XKR4: variants seen among roughly 807,000 people sequenced by gnomAD.
The protein encoded by XKR4 is XK related 4.
A neutral mutation model predicts 53.9 loss-of-function variants in XKR4; 12 were observed. The observed-to-expected ratio is 0.22, with a 90% CI of 0.14 to 0.36. The LOEUF (loss-of-function observed/expected upper bound fraction) is 0.36. XKR4 is among the 10% of genes least tolerant of loss of function. XKR4 has a pLI of 1.00. For synonymous variants in XKR4, 354 were observed against 362.4 expected, an observed-to-expected ratio of 0.98 and a Z score of 0.26; for missense variants, 799 against 859.5, an observed-to-expected ratio of 0.93 and a Z score of 0.88.
chr8:55,265,794 C>A (rs1320095585), intron 1 of XKR4, among the ~76,000 whole-genome samples: 1 of 151,582 alleles, frequency 6.6e-6, no homozygotes, highest in African/African-American at 2.4e-5. Context: ...TCCTGGTCAA[C>A]ATGGTGAAAC....
chr8:55,186,564 G>A (rs1359965396), intron 1 of XKR4, among the ~76,000 whole-genome samples: 1 of 152,122 alleles, frequency 6.6e-6, no homozygotes, highest in Non-Finnish European at 1.5e-5. Flanking sequence ...GCTGAGGCAA[G>A]AGAATGGCAT....
chr8:55,407,361 C>T (rs1804699862), intron 2 of XKR4, among the ~76,000 whole-genome samples: 1 of 152,212 alleles, frequency 6.6e-6, no homozygotes, highest in South Asian at 2.1e-4. Flanking sequence ...GAACTCCAGG[C>T]ATTTGATTAT....
rs373790260 is a variant in XKR4, at chr8:55,294,385, G to T, written c.807-63293G>T. Among the ~76,000 whole-genome samples, 131 of 152,200 alleles carry T rather than the reference G, an allele frequency of 8.6e-4. 5 individuals carry two copies. In the South Asian group the frequency reaches 0.026, roughly 30 times the overall value. The stretch of plus-strand genomic sequence containing the variant: ...CTTCATGACATTATCACTTCTCAAG[G>T]TATCCGTGTTCCTACCACCTTTTCA... On this transcript the variant is annotated intron_variant, in intron 1 of 2. Transcript: ENST00000327381.
At chr8:55,268,356 A>G (rs117545231) in intron 1 of XKR4, among the ~76,000 whole-genome samples, 6,028 of 152,250 alleles carry the variant, frequency 0.04, 186 homozygotes, top group Non-Finnish European at 0.064. Context: ...CTTAACAGTA[A>G]ATTGGTATAA....
At chr8:55,428,580 C>T (rs982684672) in intron 2 of XKR4, among the ~76,000 whole-genome samples, 2 of 152,174 alleles carry the variant, frequency 1.3e-5, no homozygotes, top group Non-Finnish European at 1.5e-5. Flanking sequence ...AGAAGAAGTC[C>T]GGACTTTCAT....
chr8:55,464,235 C>G (rs1805716858), intron 2 of XKR4, among the ~76,000 whole-genome samples: 1 of 152,120 alleles, frequency 6.6e-6, no homozygotes, highest in African/African-American at 2.4e-5. Context: ...CAATAAAATA[C>G]TGACAAACCA....
At chr8:55,341,333 A>G (rs1803542952) in intron 1 of XKR4, among the ~76,000 whole-genome samples, 2 of 152,134 alleles carry the variant, frequency 1.3e-5, no homozygotes, top group African/African-American at 4.8e-5. Context: ...TGATGCTCCC[A>G]TTCCCACTTT....
chr8:55,202,393 C>A (rs1037083379), intron 1 of XKR4, among the ~76,000 whole-genome samples: 2 of 152,168 alleles, frequency 1.3e-5, no homozygotes, highest in Non-Finnish European at 2.9e-5. Flanking sequence ...TGGAGTCATG[C>A]CCTGAAAGGA....
At chr8:55,363,991 C>T (rs554415609) in intron 2 of XKR4, among the ~76,000 whole-genome samples, 2 of 152,292 alleles carry the variant, frequency 1.3e-5, no homozygotes, top group South Asian at 4.1e-4. Context: ...TTTAGAAACA[C>T]CCATTTATCT....
intron 1 of XKR4, among the ~76,000 whole-genome samples, chr8:55,186,947 T>C (rs1817387355): frequency 6.6e-6 from 1 of 152,072 alleles, no homozygotes; most frequent in South Asian, 2.1e-4. Context: ...AAGAAGTAAT[T>C]ATGATGGAAG....
chr8:55,294,845 A>C (rs1819079622), intron 1 of XKR4, among the ~76,000 whole-genome samples: 1 of 152,166 alleles, frequency 6.6e-6, no homozygotes, highest in Non-Finnish European at 1.5e-5. Context: ...TCTTAATACC[A>C]TGGGGGAAAG....
chr8:55,481,046 T>C (rs1206192170), intron 2 of XKR4, among the ~76,000 whole-genome samples: 1 of 152,160 alleles, frequency 6.6e-6, no homozygotes, highest in East Asian at 1.9e-4. Context: ...TGGAAAAAAC[T>C]ACTTTCAAGT....
At chr8:55,156,470 G>T (rs2129356320) in intron 1 of XKR4, among the ~76,000 whole-genome samples, 1 of 151,824 alleles carries the variant, frequency 6.6e-6, no homozygotes, top group Middle Eastern at 3.4e-3. Context: ...GTGTAAGTCA[G>T]ATCTTTGCCT....
intron 1 of XKR4, among the ~76,000 whole-genome samples, chr8:55,342,122 C>A (rs537945031): frequency 6.6e-5 from 10 of 151,988 alleles, no homozygotes; most frequent in African/African-American, 1.9e-4. Flanking sequence ...GTTGCCCCAT[C>A]TCTGTAAATG....
chr8:55,467,735 A>G (rs898180924), intron 2 of XKR4, among the ~76,000 whole-genome samples: 1 of 152,156 alleles, frequency 6.6e-6, no homozygotes, highest in Non-Finnish European at 1.5e-5. Context: ...GAGAACAAGT[A>G]TTGAATTCTT....
At chr8:55,367,340 AT>A (rs1299328922) in intron 2 of XKR4, among the ~76,000 whole-genome samples, 1 of 152,166 alleles carries the variant, frequency 6.6e-6, no homozygotes, top group Admixed American at 6.5e-5. Context: ...ACAATAATTT[AT>A]TGTAAGAATA....
intron 2 of XKR4, among the ~76,000 whole-genome samples, chr8:55,422,581 C>T (rs1485859720): frequency 6.6e-6 from 1 of 152,156 alleles, no homozygotes; most frequent in South Asian, 2.1e-4. Context: ...TAGTCTACAT[C>T]GAATCCCAGG....
chr8:55,449,347 G>C (rs1167826164), intron 2 of XKR4, among the ~76,000 whole-genome samples: 3 of 152,148 alleles, frequency 2.0e-5, no homozygotes, highest in Non-Finnish European at 4.4e-5. Context: ...TGGCCGGGCG[G>C]TGCGGGGCAG....
At chr8:55,157,077 A>AG (rs1816918636) in intron 1 of XKR4, among the ~76,000 whole-genome samples, 1 of 152,246 alleles carries the variant, frequency 6.6e-6, no homozygotes. Context: ...TTCTATAACA[A>AG]CTTTCCATGA....
Sources: gnomAD v4.1 joint callset for allele counts (sites outside exome capture counted in the v4.1 genomes callset) on GRCh38, gnomAD v4.1.1 for gene constraint, MANE v1.5 for transcripts, NCBI Gene and HGNC (gene_info 2026-07-23, HGNC 2026-07-21) for gene names.